The following SVOPL variants were observed in gnomAD, a reference collection of about 807,000 sequenced individuals.
The protein encoded by SVOPL is putative transporter SVOPL.
SVOPL carries 60 observed loss-of-function variants against 61.0 expected under a neutral mutation model. That is an observed-to-expected ratio of 0.98 (90% CI 0.80 to 1.22). The LOEUF (loss-of-function observed/expected upper bound fraction) is 1.22. Ranked by LOEUF, SVOPL falls within the 50% of genes most tolerant of loss-of-function variation. SVOPL has a pLI of 0.00. For missense variants in SVOPL, 662 were observed against 643.9 expected (o/e 1.03, Z -0.30); for synonymous variants, 279 against 250.0 (o/e 1.12, Z -1.09).
chr7:138,662,811 G>T (rs1163745584), intron 5 of SVOPL: 6 of 1,278,320 alleles, frequency 4.7e-6, no homozygotes, highest in Admixed American at 3.5e-5. Flanking sequence ...AATCCTTCTG[G>T]GTAGAGATTT....
intron 9 of SVOPL, among the ~76,000 whole-genome samples, chr7:138,638,327 T>C (rs1280262547): frequency 7.1e-6 from 1 of 140,800 alleles, no homozygotes; most frequent in Non-Finnish European, 1.5e-5. Context: ...AGAAAGGAGA[T>C]GCAAAAAACT....
At chr7:138,622,132 A>ATCTG (rs1799653162) in intron 13 of SVOPL, among the ~76,000 whole-genome samples, 1 of 132,590 alleles carries the variant, frequency 7.5e-6, no homozygotes, top group Non-Finnish European at 1.7e-5. Context: ...GTATCTATCT[A>ATCTG]TCTATGTATC....
rs755495441 is a variant in SVOPL at position 138,594,360 on chromosome 7, C to T, written c.*250G>A. On this transcript the variant is annotated 3_prime_UTR_variant, in exon 16 of 16. Coordinates refer to ENST00000674285, the MANE Select transcript of SVOPL (RefSeq NM_001139456.2). ...CAATGAAGAAAAGCCATCTTCCCCC[C>T]CACCATCTCCCTCTCACACCCCTTT... is the stretch of plus-strand genomic sequence containing the variant. The T allele has an allele frequency of 3.1e-4, 91 of 295,616 alleles. 1 individual carries two copies. The highest frequency in any genetic ancestry group is 2.9e-4 in the Admixed American group (6 of 20,366). The allele number at this position is 295,616 out of a possible 1,614,324, so 18.3% of individuals were successfully genotyped here.
At chr7:138,618,766 AAAAG>A (rs948060416) in intron 14 of SVOPL, among the ~76,000 whole-genome samples, 31 of 152,288 alleles carry the variant, frequency 2.0e-4, no homozygotes, top group Admixed American at 1.6e-3. Flanking sequence ...AGAAAAAAGA[AAAAG>A]AAGGAAGGAA....
chr7:138,678,537 A>G lies in SVOPL; in HGVS notation c.83-12T>C, dbSNP rs749237314. The G allele has an allele frequency of 2.3e-5, 36 of 1,551,514 alleles. No homozygotes were observed. The highest frequency in any genetic ancestry group is 3.1e-5 in the Non-Finnish European group (35 of 1,146,976). ...GAACGTCTTTGGCTCTAACAACGAA[A>G]GACAAAGTGGAAAAAATTGCTTCTG... On this transcript the variant is annotated splice_polypyrimidine_tract_variant and intron_variant, in intron 2 of 15. Transcript: ENST00000674285.
At chr7:138,634,472 C>T (rs1022994143) in intron 9 of SVOPL, among the ~76,000 whole-genome samples, 2 of 148,164 alleles carry the variant, frequency 1.3e-5, no homozygotes, top group African/African-American at 5.1e-5. Flanking sequence ...GACCCCGTCG[C>T]TACAAAATAA....
chr7:138,693,230 G>A (rs1802982558), intron 1 of SVOPL, among the ~76,000 whole-genome samples: 1 of 152,036 alleles, frequency 6.6e-6, no homozygotes, highest in Admixed American at 6.6e-5. Context: ...TTCTTGCCAG[G>A]TGTGGTGGTT....
intron 14 of SVOPL, among the ~76,000 whole-genome samples, chr7:138,597,669 T>TGTGTGTGTGTGTGTGTGTGTGTG (rs1554449334): frequency 6.6e-6 from 1 of 151,582 alleles, no homozygotes; most frequent in African/African-American, 2.4e-5. Flanking sequence ...TGTGTGTGTG[T>TGTGTGTGTGTGTGTGTGTGTGTG]TTTACTGCTG....
Position 138,626,045 on chromosome 7 carries a change from C to A in SVOPL, c.1187G>T (p.Gly396Val). The change falls in exon 13 of 16, where the codon GGC becomes GTC. Residue 396 changes from glycine to valine, a missense_variant. Physicochemically the swap from Gly to Val is moderately radical, Grantham distance 109 (BLOSUM62 -3). Transcript: ENST00000674285. ...LLLNICTSSA[G>V]LIGFLFMLRA... ...CAGCATGAAGAGGAAGCCAATCAGG[C>A]CGGCACTAGAAAACAGGAAGCGGAG... The A allele has an allele frequency of 6.2e-7, 1 of 1,614,064 alleles. No homozygotes were observed. Among genetic ancestry groups the A allele is most frequent in the Non-Finnish European group, 8.5e-7 (1 of 1,180,004 alleles).
intron 1 of SVOPL, among the ~76,000 whole-genome samples, chr7:138,693,026 A>T (rs1272031943): frequency 6.6e-6 from 1 of 152,226 alleles, no homozygotes; most frequent in Non-Finnish European, 1.5e-5. Context: ...TTACAAAAAT[A>T]GCTAAGAGAA....
intron 9 of SVOPL, among the ~76,000 whole-genome samples, chr7:138,636,834 A>G (rs1800491902): frequency 6.6e-6 from 1 of 152,094 alleles, no homozygotes; most frequent in Admixed American, 6.6e-5. Flanking sequence ...GTAGATCTTA[A>G]TAAAGTGGCT....
chr7:138,655,826 GTGAAGAAGCTA>G (rs1249555289), intron 7 of SVOPL, among the ~76,000 whole-genome samples: 1 of 152,026 alleles, frequency 6.6e-6, no homozygotes, highest in East Asian at 1.9e-4. Flanking sequence ...TCTACTCCTG[GTGAAGAAGCTA>G]TGAACATTGT....
intron 9 of SVOPL, among the ~76,000 whole-genome samples, chr7:138,640,767 G>T (rs1800742928): frequency 6.6e-6 from 1 of 152,082 alleles, no homozygotes; most frequent in Non-Finnish European, 1.5e-5. Context: ...CTACTAGAGT[G>T]GGGAGGGAAA....
chr7:138,698,147 A>G (rs371808123), intron 1 of SVOPL, among the ~76,000 whole-genome samples: 1 of 121,308 alleles, frequency 8.2e-6, no homozygotes, highest in Non-Finnish European at 1.7e-5. Flanking sequence ...AAGAGGAGGA[A>G]GGAAAGAATG....
chr7:138,671,521 T>A (rs1802416449), intron 4 of SVOPL, among the ~76,000 whole-genome samples: 1 of 152,172 alleles, frequency 6.6e-6, no homozygotes, highest in South Asian at 2.1e-4. Flanking sequence ...CTAATTTTTG[T>A]ATTTTTAGTA....
intron 14 of SVOPL, among the ~76,000 whole-genome samples, chr7:138,611,864 T>G (rs1322499666): frequency 1.3e-5 from 1 of 79,036 alleles, no homozygotes; most frequent in South Asian, 5.6e-4. Flanking sequence ...GATTGCAGCC[T>G]CTGCCCGGCC....
intron 3 of SVOPL, among the ~76,000 whole-genome samples, chr7:138,675,465 T>C (rs973392272): frequency 2.0e-5 from 3 of 152,098 alleles, no homozygotes; most frequent in African/African-American, 4.8e-5. Context: ...GCAATTCTCC[T>C]GACCCTGCCT....
At chr7:138,640,477 C>T (rs566801197) in intron 9 of SVOPL, among the ~76,000 whole-genome samples, 5 of 151,932 alleles carry the variant, frequency 3.3e-5, no homozygotes, top group Non-Finnish European at 5.9e-5. Flanking sequence ...GTGTAACTCC[C>T]GACCTCAGGT....
intron 14 of SVOPL, among the ~76,000 whole-genome samples, chr7:138,607,783 A>G (rs1228880285): frequency 6.6e-6 from 1 of 152,244 alleles, no homozygotes; most frequent in Non-Finnish European, 1.5e-5. Flanking sequence ...CCCGAAGCAT[A>G]TTAAATGCTG....
Sources: allele counts gnomAD v4.1 joint callset (sites outside exome capture counted in the v4.1 genomes callset), GRCh38; gene constraint gnomAD v4.1.1; transcripts MANE v1.5; gene names NCBI Gene and HGNC (gene_info 2026-07-23, HGNC 2026-07-21).